The following MTSS1 variants were observed in gnomAD, a reference collection of about 807,000 sequenced individuals.
MTSS1 encodes MTSS I-BAR domain containing 1.
A neutral mutation model predicts 79.0 loss-of-function variants in MTSS1; 18 were observed. The ratio of observed to expected loss-of-function variants is 0.23; its 90% CI spans 0.16 to 0.34. The LOEUF (loss-of-function observed/expected upper bound fraction) is 0.34, where lower values mean the gene tolerates loss of function less well. Among genes scored for constraint, MTSS1 ranks in the 10% least tolerant of loss-of-function variants. The pLI, the probability that MTSS1 is intolerant of heterozygous loss-of-function variation, is 1.00. For missense variants in MTSS1, 815 were observed against 986.2 expected (o/e 0.83, Z 2.33); for synonymous variants, 341 against 368.6 (o/e 0.93, Z 0.86).
chr8:124,669,405 A>G (rs61247444), intron 3 of MTSS1, among the ~76,000 whole-genome samples: 4,273 of 152,310 alleles, frequency 0.028, 194 homozygotes, highest in African/African-American at 0.097. Flanking sequence ...ACAGCCCAGC[A>G]TTTACAGTAC....
intron 3 of MTSS1, among the ~76,000 whole-genome samples, chr8:124,645,319 A>G (rs542541681): frequency 6.6e-6 from 1 of 152,300 alleles, no homozygotes; most frequent in South Asian, 2.1e-4. Context: ...TTTGAGCCCA[A>G]GAGGTTGCAG....
At position 124,598,619 on chromosome 8, in the gene MTSS1, A is replaced by G. The variant is rs113088869; in HGVS notation, c.209-7384T>C. Among the ~76,000 whole-genome samples, 727 of 152,318 alleles carry G rather than the reference A, an allele frequency of 4.8e-3. 5 individuals carry two copies. The highest frequency in any genetic ancestry group is 0.017 in the African/African-American group (698 of 41,558). ...GTTCACTGCCTACCCCCATCTTCATAAGCACAGAGATAATAGGCAACACAT... is the reference window on the plus strand; with the variant it reads ...GTTCACTGCCTACCCCCATCTTCATGAGCACAGAGATAATAGGCAACACAT... On this transcript the variant is annotated intron_variant, in intron 3 of 13. Coordinates refer to ENST00000518547, the MANE Select transcript of MTSS1 (RefSeq NM_014751.6).
chr8:124,596,500 G>A (rs548249571), intron 3 of MTSS1, among the ~76,000 whole-genome samples: 13 of 152,208 alleles, frequency 8.5e-5, no homozygotes, highest in Non-Finnish European at 1.6e-4. Flanking sequence ...AGGAAGAAGT[G>A]AACCATCCAG....
intron 5 of MTSS1, among the ~76,000 whole-genome samples, chr8:124,585,565 C>T (rs978268893): frequency 1.6e-4 from 24 of 152,036 alleles, no homozygotes; most frequent in Admixed American, 1.2e-3. Flanking sequence ...CAGGCGCCCA[C>T]CACCACGCCC....
chr8:124,706,216 G>A (rs1469427179), intron 1 of MTSS1, among the ~76,000 whole-genome samples: 1 of 152,146 alleles, frequency 6.6e-6, no homozygotes, highest in Non-Finnish European at 1.5e-5. Flanking sequence ...GTACATAAGA[G>A]ATATCTGGAA....
At chr8:124,673,466 G>C (rs559209182) in intron 3 of MTSS1, 1 of 151,914 alleles carries the variant, frequency 6.6e-6, no homozygotes, top group Non-Finnish European at 1.5e-5. Context: ...GCATGACCCA[G>C]ATGTGGTGCC....
chr8:124,603,819 G>A (rs1834335460), intron 3 of MTSS1, among the ~76,000 whole-genome samples: 1 of 152,172 alleles, frequency 6.6e-6, no homozygotes, highest in Non-Finnish European at 1.5e-5. Flanking sequence ...CCTTGAAAAT[G>A]GCTGCAAAAC....
intron 3 of MTSS1, among the ~76,000 whole-genome samples, chr8:124,662,519 T>G (rs902349451): frequency 6.6e-6 from 1 of 152,144 alleles, no homozygotes; most frequent in African/African-American, 2.4e-5. Flanking sequence ...CACAATTACC[T>G]GGAGAGCCTT....
At chr8:124,699,757 T>C (rs937191104) in intron 2 of MTSS1, among the ~76,000 whole-genome samples, 158 bp from the exon 3 acceptor site, 1 of 152,226 alleles carries the variant, frequency 6.6e-6, no homozygotes, top group Non-Finnish European at 1.5e-5. Context: ...GAACCCACTT[T>C]TTTCCAAGTA....
chr8:124,707,869 C>T (rs1385091436), intron 1 of MTSS1, among the ~76,000 whole-genome samples: 1 of 152,166 alleles, frequency 6.6e-6, no homozygotes, highest in East Asian at 1.9e-4. Flanking sequence ...GAGCAAGACC[C>T]TGTCTCAAAG....
At chr8:124,633,574 C>T (rs1441591532) in intron 3 of MTSS1, among the ~76,000 whole-genome samples, 1 of 152,100 alleles carries the variant, frequency 6.6e-6, no homozygotes, top group Non-Finnish European at 1.5e-5. Context: ...AGTTCGAGAC[C>T]AGCCTGGCCA....
At chr8:124,599,930 A>C (rs1408007942) in intron 3 of MTSS1, among the ~76,000 whole-genome samples, 4 of 152,172 alleles carry the variant, frequency 2.6e-5, no homozygotes, top group Admixed American at 2.6e-4. Flanking sequence ...TGAAAGGCTT[A>C]GCTCTGAAAT....
At chr8:124,578,891 A>G (rs1379135071) in intron 6 of MTSS1, among the ~76,000 whole-genome samples, 2 of 152,114 alleles carry the variant, frequency 1.3e-5, no homozygotes, top group African/African-American at 4.8e-5. Flanking sequence ...CAGCCAAGCC[A>G]ACTGTTAAAA....
intron 3 of MTSS1, among the ~76,000 whole-genome samples, chr8:124,625,572 T>C (rs1415580925): frequency 1.3e-5 from 2 of 152,228 alleles, no homozygotes; most frequent in South Asian, 2.1e-4. Flanking sequence ...TCAGCTGGTA[T>C]AGACCACCTG....
At chr8:124,558,652 G>A in intron 10 of MTSS1, 1 of 1,471,460 alleles carries the variant, frequency 6.8e-7, no homozygotes, top group Non-Finnish European at 9.0e-7. Flanking sequence ...AGGGCTGTCT[G>A]AGCAGCAGGC....
chr8:124,602,116 CA>C (rs1270425460), intron 3 of MTSS1, among the ~76,000 whole-genome samples: 1 of 145,348 alleles, frequency 6.9e-6, no homozygotes, highest in East Asian at 2.0e-4. Flanking sequence ...TGTCTTGGGC[CA>C]CATATAAAAT....
At chr8:124,563,021 G>C in intron 9 of MTSS1, 29 bp from the exon 10 acceptor site, 4 of 1,567,064 alleles carry the variant, frequency 2.6e-6, no homozygotes, top group Non-Finnish European at 3.5e-6. Flanking sequence ...GGTGAGGGGT[G>C]GGCACGGAAG....
At chr8:124,716,381 G>C (rs1261846609) in intron 1 of MTSS1, among the ~76,000 whole-genome samples, 1 of 152,236 alleles carries the variant, frequency 6.6e-6, no homozygotes, top group African/African-American at 2.4e-5. Flanking sequence ...TCGTCTGCCT[G>C]ATCGCATTCC....
chr8:124,677,266 C>T (rs547673951), intron 3 of MTSS1, among the ~76,000 whole-genome samples: 1 of 152,220 alleles, frequency 6.6e-6, no homozygotes, highest in Admixed American at 6.5e-5. Flanking sequence ...AATATATTTT[C>T]TACCTCTACC....
Sources: gnomAD v4.1 joint callset for allele counts (sites outside exome capture counted in the v4.1 genomes callset) on GRCh38, gnomAD v4.1.1 for gene constraint, MANE v1.5 for transcripts, NCBI Gene and HGNC (gene_info 2026-07-23, HGNC 2026-07-21) for gene names.